DTNA: variants seen among roughly 807,000 people sequenced by gnomAD.
The protein encoded by DTNA is dystrophin-related protein 3.
In DTNA, 43 loss-of-function variants were observed where a neutral mutation model predicts 100.7. The ratio of observed to expected loss-of-function variants is 0.43; its 90% CI spans 0.33 to 0.55. DTNA has a LOEUF of 0.55. Among genes scored for constraint, DTNA ranks in the 20% least tolerant of loss-of-function variants. The pLI, the probability that DTNA is intolerant of heterozygous loss-of-function variation, is 0.04. For missense variants in DTNA, 798 were observed against 953.9 expected, an observed-to-expected ratio of 0.84 and a Z score of 2.15; for synonymous variants, 349 against 347.9, an observed-to-expected ratio of 1.00 and a Z score of -0.04.
At chr18:34,850,736 GACAT>G (rs2149915717) in intron 14 of DTNA, among the ~76,000 whole-genome samples, 1 of 152,246 alleles carries the variant, frequency 6.6e-6, no homozygotes, top group Non-Finnish European at 1.5e-5. Context: ...AAGAAAGCAA[GACAT>G]ACATAAGTGT....
intron 9 of DTNA, chr18:34,822,409 G>T (rs2095747251): frequency 6.6e-6 from 1 of 152,158 alleles, no homozygotes; most frequent in Non-Finnish European, 1.5e-5. Flanking sequence ...AGCCCTGCTG[G>T]GAGTTTCACC....
At chr18:34,761,676 G>A (rs2093178992) in intron 2 of DTNA, among the ~76,000 whole-genome samples, 1 of 152,230 alleles carries the variant, frequency 6.6e-6, no homozygotes, top group Non-Finnish European at 1.5e-5. Context: ...GGCTTGAGGA[G>A]ACGGTGCAAG....
intron 1 of DTNA, among the ~76,000 whole-genome samples, chr18:34,673,927 T>G (rs538204494): frequency 2.6e-5 from 4 of 152,284 alleles, no homozygotes; most frequent in African/African-American, 9.6e-5. Flanking sequence ...TTATCAGAGA[T>G]AAGTATTAAA....
At chr18:34,632,540 G>A (rs1304002593) in intron 1 of DTNA, among the ~76,000 whole-genome samples, 2 of 152,158 alleles carry the variant, frequency 1.3e-5, no homozygotes, top group East Asian at 3.9e-4. Flanking sequence ...CCCTGTCAGG[G>A]AGAATCTTTC....
At chr18:34,676,387 C>CTT (rs2077402820) in intron 1 of DTNA, among the ~76,000 whole-genome samples, 2 of 152,198 alleles carry the variant, frequency 1.3e-5, no homozygotes, top group Admixed American at 1.3e-4. Flanking sequence ...TGGTTCCTAG[C>CTT]TCCAATCCAG....
In DTNA at chr18:34,727,454, C is replaced by A. The variant is rs117634037; in HGVS notation, c.-2+17009C>A. ...TCCTTGTGAATCAAGGATATTGATT[C>A]ACAGTATTGTGAAAACAAATTTTCA... On this transcript the variant is annotated intron_variant, in intron 1 of 22. Coordinates refer to ENST00000444659, the MANE Select transcript of DTNA (RefSeq NM_001386795.1). Among the ~76,000 whole-genome samples, 488 of 152,204 alleles carry A rather than the reference C, an allele frequency of 3.2e-3. 1 individual carries two copies. The highest frequency in any genetic ancestry group is 4.9e-3 in the Non-Finnish European group (333 of 68,018).
intron 6 of DTNA, among the ~76,000 whole-genome samples, chr18:34,813,710 G>C (rs547146345): frequency 1.3e-5 from 2 of 151,662 alleles, no homozygotes; most frequent in East Asian, 1.9e-4. Context: ...AAAATTAGCC[G>C]GGCATGGTGG....
At chr18:34,522,406 T>C (rs539246963) in intron 1 of DTNA, among the ~76,000 whole-genome samples, 37 of 152,258 alleles carry the variant, frequency 2.4e-4, no homozygotes, top group Non-Finnish European at 5.0e-4. Context: ...TAGAACCGTA[T>C]GAGATAGGGA....
intron 1 of DTNA, among the ~76,000 whole-genome samples, chr18:34,729,152 A>G (rs1159326396): frequency 6.6e-6 from 1 of 152,244 alleles, no homozygotes; most frequent in Non-Finnish European, 1.5e-5. Flanking sequence ...ATGTCTTACA[A>G]AATCATCTTA....
intron 11 of DTNA, among the ~76,000 whole-genome samples, chr18:34,836,647 CAAA>C (rs749690995): frequency 1.9e-5 from 1 of 51,660 alleles, no homozygotes. Context: ...GACTCTGTCT[CAAA>C]AAAAAAAAAA....
chr18:34,511,549 G>A (rs1468654888), intron 1 of DTNA, among the ~76,000 whole-genome samples: 4 of 152,058 alleles, frequency 2.6e-5, no homozygotes, highest in Non-Finnish European at 4.4e-5. Context: ...GGCCAGCATA[G>A]CTCCTAGTTG....
At chr18:34,677,908 A>G (rs990877549) in intron 1 of DTNA, among the ~76,000 whole-genome samples, 2 of 152,214 alleles carry the variant, frequency 1.3e-5, no homozygotes. Context: ...TCACTCTACT[A>G]TAAAGAACTG....
At chr18:34,829,229 G>C (rs1217495606) in intron 10 of DTNA, 171 bp from the exon 11 acceptor site, 13 of 1,544,448 alleles carry the variant, frequency 8.4e-6, no homozygotes, top group East Asian at 2.4e-5. Flanking sequence ...AACCACAGTT[G>C]TGTTGTTTAA....
At chr18:34,692,358 C>T (rs1481339670) in intron 1 of DTNA, among the ~76,000 whole-genome samples, 1 of 152,102 alleles carries the variant, frequency 6.6e-6, no homozygotes, top group Non-Finnish European at 1.5e-5. Context: ...ATAATAACCC[C>T]ACAAATTAGC....
At chr18:34,653,475 T>C (rs1488003123) in intron 1 of DTNA, among the ~76,000 whole-genome samples, 1 of 151,940 alleles carries the variant, frequency 6.6e-6, no homozygotes, top group Non-Finnish European at 1.5e-5. Context: ...GTATCATTTA[T>C]GTGATTGAAA....
intron 1 of DTNA, among the ~76,000 whole-genome samples, chr18:34,723,456 CATAAT>C (rs1306106101): frequency 1.3e-5 from 2 of 152,058 alleles, no homozygotes; most frequent in Non-Finnish European, 2.9e-5. Flanking sequence ...TTATGTGAAA[CATAAT>C]AGAAATAATT....
intron 1 of DTNA, among the ~76,000 whole-genome samples, chr18:34,668,278 T>G (rs1028916784): frequency 2.4e-4 from 37 of 152,224 alleles, no homozygotes; most frequent in Non-Finnish European, 5.9e-5. Context: ...TATAACCCCT[T>G]TATCATTTTT....
At chr18:34,620,260 A>G (rs986283545) in intron 1 of DTNA, among the ~76,000 whole-genome samples, 1 of 152,164 alleles carries the variant, frequency 6.6e-6, no homozygotes, top group African/African-American at 2.4e-5. Context: ...ATGGTGTAGA[A>G]AGGAAAATGA....
At chr18:34,493,668 A>G (rs2038790004) in intron 1 of DTNA, among the ~76,000 whole-genome samples, 3 of 146,702 alleles carry the variant, frequency 2.0e-5, no homozygotes, top group Admixed American at 2.0e-4. Context: ...GCGGGGCGGG[A>G]GGTGCACATG....
Sources: gnomAD v4.1 joint callset for allele counts (sites outside exome capture counted in the v4.1 genomes callset) on GRCh38, gnomAD v4.1.1 for gene constraint, MANE v1.5 for transcripts, NCBI Gene and HGNC (gene_info 2026-07-23, HGNC 2026-07-21) for gene names.